SCMH1: variants seen among roughly 807,000 people sequenced by gnomAD.
SCMH1 encodes the protein Scm polycomb group protein homolog 1.
SCMH1 carries 37 observed loss-of-function variants against 70.8 expected under a neutral mutation model. The ratio of observed to expected loss-of-function variants is 0.52; its 90% CI spans 0.40 to 0.69. The LOEUF (loss-of-function observed/expected upper bound fraction) is 0.69, where lower values mean the gene tolerates loss of function less well. Among genes scored for constraint, SCMH1 ranks in the 30% least tolerant of loss-of-function variants. The pLI is 0.00. For missense variants in SCMH1, 607 were observed against 827.3 expected, an observed-to-expected ratio of 0.73 and a Z score of 3.27; for synonymous variants, 292 against 307.4, an observed-to-expected ratio of 0.95 and a Z score of 0.52.
chr1:41,240,687 A>C (rs1209716821), intron 1 of SCMH1, among the ~76,000 whole-genome samples: 1 of 152,074 alleles, frequency 6.6e-6, no homozygotes, highest in Non-Finnish European at 1.5e-5. Context: ...GGAAACCCCC[A>C]AATTTCCACA....
chr1:41,068,872 C>A (rs865989796), intron 10 of SCMH1, among the ~76,000 whole-genome samples: 2 of 151,908 alleles, frequency 1.3e-5, no homozygotes, highest in South Asian at 4.2e-4. Context: ...AAAACAAAGA[C>A]CTTGGAAAGA....
At chr1:41,052,281 T>C (rs1324443087) in intron 10 of SCMH1, among the ~76,000 whole-genome samples, 4 of 152,182 alleles carry the variant, frequency 2.6e-5, no homozygotes, top group African/African-American at 9.6e-5. Flanking sequence ...CGAGTGAGCA[T>C]TACTACTTGA....
At position 41,075,449 on chromosome 1, in the gene SCMH1, C is replaced by A. The variant is rs759220732; in HGVS notation, c.748G>T (p.Val250Leu). Residue 250 changes from valine to leucine, a missense_variant and splice_region_variant, in exon 9 of 15, where the codon GTG (valine) becomes TTG (leucine). By Grantham distance (32) the Val-to-Leu change is conservative. Coordinates refer to ENST00000337495, the Ensembl canonical transcript of SCMH1. Reference sequence around the variant, plus strand: ...GCAGGATAGGGATTCTTTGGAATCACAACTGCAAGAAAAAGACTCATTCTA... The same window carrying A: ...GCAGGATAGGGATTCTTTGGAATCAAAACTGCAAGAAAAAGACTCATTCTA... 140 of 1,613,000 alleles carry A rather than the reference C, an allele frequency of 8.7e-5. No homozygotes were observed. Among genetic ancestry groups the A allele is most frequent in the Non-Finnish European group, 1.1e-4 (135 of 1,179,160 alleles).
intron 8 of SCMH1, among the ~76,000 whole-genome samples, chr1:41,108,382 C>A (rs1237844998): frequency 6.6e-6 from 1 of 152,132 alleles, no homozygotes; most frequent in African/African-American, 2.4e-5. Flanking sequence ...GAAATCAGAG[C>A]AAGGGGAAGT....
At chr1:41,028,806 T>C (rs1644100596) in intron 13 of SCMH1, 80 bp from the exon 15 acceptor site, 7 of 1,505,134 alleles carry the variant, frequency 4.7e-6, no homozygotes, top group Non-Finnish European at 6.4e-6. Context: ...CACATCTCAG[T>C]GGCCTTCTAG....
intron 8 of SCMH1, among the ~76,000 whole-genome samples, chr1:41,084,698 T>C (rs1661070395): frequency 6.6e-6 from 1 of 152,104 alleles, no homozygotes; most frequent in Admixed American, 6.5e-5. Context: ...TGCAGCACTA[T>C]TCATAATAGC....
intron 12 of SCMH1, chr1:41,038,090 A>C (rs1276481274): frequency 6.6e-6 from 1 of 152,606 alleles, no homozygotes; most frequent in Non-Finnish European, 1.5e-5. Flanking sequence ...GAGCTTGGGC[A>C]TGGAGATGAG....
At position 41,159,798 on chromosome 1, in the gene SCMH1, T is replaced by C. The variant is rs575571296; in HGVS notation, c.106+1077A>G. 329 of 1,485,056 alleles carry C rather than the reference T, an allele frequency of 2.2e-4. 10 individuals are homozygous for C. The South Asian group carries it at 4.4e-3, about 20-fold the overall frequency. 92.0% of individuals were successfully genotyped at this position (1,485,056 alleles called of 1,614,324 possible). The stretch of plus-strand genomic sequence containing the variant: ...CTTCACTTCAAAGAATGTCAGAAGA[T>C]TTGACTTTTAGAGTAAAGTCTGAGT... On this transcript the variant is annotated intron_variant, in intron 4 of 14. Coordinates refer to ENST00000337495, the Ensembl canonical transcript of SCMH1.
intron 13 of SCMH1, among the ~76,000 whole-genome samples, chr1:41,036,537 C>T (rs1221927505): frequency 3.9e-5 from 6 of 152,208 alleles, no homozygotes; most frequent in African/African-American, 1.2e-4. Flanking sequence ...CTGGCCCACT[C>T]GAGTAACCTC....
Position 41,113,260 on chromosome 1 carries a change from A to G in SCMH1, c.745+23T>C. On this transcript the variant is annotated intron_variant, in intron 8 of 14. Coordinates refer to ENST00000337495, the Ensembl canonical transcript of SCMH1. This position sits in a 1 kb window ranked among gnomAD's most constrained non-coding sequence, Gnocchi z 4.3. ...CCTTATCATCTGGGTCCTGATTTCA[A>G]GAGCACGTAGATGGGCCTTTACCTT... 6.2e-7 allele frequency: 1 copy of G among 1,607,082 alleles called. No individual in the cohort carries two copies.
Position 41,161,452 on chromosome 1 carries a change from T to C in SCMH1, c.14-20A>G, listed in dbSNP as rs551499263. The C allele has an allele frequency of 1.1e-4, 167 of 1,539,446 alleles. 1 individual carries two copies. The highest frequency in any genetic ancestry group is 1.0e-3 in the Admixed American group (49 of 46,868). On this transcript the variant is annotated intron_variant, in intron 2 of 14. Transcript: ENST00000337495. ...CTATCACTGCAGAGGGAGAGAAAAA[T>C]AGTCATGTGGAAAGAAAGTATAAGA...
chr1:41,129,631 C>T (rs1041074791), intron 6 of SCMH1, among the ~76,000 whole-genome samples: 2 of 152,096 alleles, frequency 1.3e-5, no homozygotes, highest in Non-Finnish European at 2.9e-5. Context: ...TTTCTTTATC[C>T]ATTCTTCCAT....
chr1:41,123,100 A>G (rs1672338373), intron 6 of SCMH1, among the ~76,000 whole-genome samples: 1 of 152,170 alleles, frequency 6.6e-6, no homozygotes, highest in Non-Finnish European at 1.5e-5. Flanking sequence ...GTGTGCTTGT[A>G]GTCCCAGCTA....
At chr1:41,143,156 A>G in intron 5 of SCMH1, 44 bp from the exon 6 acceptor site, 1 of 1,490,368 alleles carries the variant, frequency 6.7e-7, no homozygotes, top group Non-Finnish European at 9.3e-7. Flanking sequence ...TAAGAGTAAA[A>G]CCCCAAAATT....
chr1:41,038,259 G>C (rs1645590619), intron 12 of SCMH1, among the ~76,000 whole-genome samples: 1 of 152,182 alleles, frequency 6.6e-6, no homozygotes, highest in African/African-American at 2.4e-5. Flanking sequence ...ATCTTACCGT[G>C]ATGTTTCTAT....
At chr1:41,086,130 C>T (rs759554419) in intron 8 of SCMH1, among the ~76,000 whole-genome samples, 26 of 152,166 alleles carry the variant, frequency 1.7e-4, no homozygotes, top group African/African-American at 3.1e-4. Context: ...TGAGCCACCA[C>T]GCCCAGCCTT....
intron 10 of SCMH1, 36 bp from the exon 11 acceptor site, chr1:41,048,926 T>G (rs1485579061): frequency 6.4e-7 from 1 of 1,572,494 alleles, no homozygotes. Context: ...GCTTCAAGAG[T>G]CTCTGGGATA....
At chr1:41,064,944 T>C (rs1654065545) in intron 10 of SCMH1, among the ~76,000 whole-genome samples, 1 of 151,832 alleles carries the variant, frequency 6.6e-6, no homozygotes, top group Non-Finnish European at 1.5e-5. Flanking sequence ...ACCCTCACAA[T>C]ACCATTTATG....
chr1:41,156,326 T>G (rs1229630241), intron 4 of SCMH1, among the ~76,000 whole-genome samples: 3 of 152,206 alleles, frequency 2.0e-5, no homozygotes, highest in Non-Finnish European at 4.4e-5. Context: ...ATAATCAACA[T>G]CTTTAGATCA....
Sources: gnomAD v4.1 joint callset for allele counts (sites outside exome capture counted in the v4.1 genomes callset) on GRCh38, gnomAD v4.1.1 for gene constraint, Gnocchi (gnomAD v3.1) non-coding constraint, MANE v1.5 for transcripts, NCBI Gene and HGNC (gene_info 2026-07-23, HGNC 2026-07-21) for gene names.